Variants in COL18A1 observed in about 807,000 individuals in gnomAD.
The protein encoded by COL18A1 is collagen type XVIII alpha 1 chain, also known as collagen alpha-1(XVIII) chain.
COL18A1 carries 133 observed loss-of-function variants against 168.0 expected under a neutral mutation model. The ratio of observed to expected loss-of-function variants is 0.79; its 90% CI spans 0.69 to 0.91. The LOEUF (loss-of-function observed/expected upper bound fraction) is 0.91. Ranked by LOEUF, COL18A1 falls within the 40% of genes least tolerant of loss-of-function variation. The pLI, the probability that COL18A1 is intolerant of heterozygous loss-of-function variation, is 0.00. For synonymous variants in COL18A1, 949 were observed against 809.0 expected (o/e 1.17, Z -2.94); for missense variants, 2,126 against 1,925.4 (o/e 1.10, Z -1.95).
At chr21:45,509,282 AGAG>A (rs1428430744) in intron 38 of COL18A1, 71 bp from the exon 39 acceptor site, 11 of 1,528,262 alleles carry the variant, frequency 7.2e-6, no homozygotes, top group African/African-American at 4.1e-5. Context: ...CACCCAGCCC[AGAG>A]GAGGACACAG....
intron 2 of COL18A1, among the ~76,000 whole-genome samples, chr21:45,442,989 G>C (rs2034418601): frequency 2.8e-5 from 4 of 144,226 alleles, no homozygotes; most frequent in African/African-American, 5.4e-5. Context: ...GGGTGGCGGT[G>C]CTGGTGTGGG....
At chr21:45,495,297 C>A in intron 28 of COL18A1, 61 bp from the exon 29 acceptor site, 1 of 1,417,936 alleles carries the variant, frequency 7.1e-7, no homozygotes, top group Non-Finnish European at 9.8e-7. Context: ...AGGCACCCTG[C>A]GGGAAGGTGT....
rs748210520 is a variant in COL18A1, at chr21:45,505,382, GC to G, written c.3044del (p.Pro1015LeufsTer16). 3.8e-6 allele frequency: 6 copies of G among 1,591,504 alleles called. No homozygotes were observed. Among genetic ancestry groups the G allele is most frequent in the Non-Finnish European group, 5.2e-6 (6 of 1,163,594 alleles). ...GCTATCAGCGTTCCCGGCCCTCCGG[GC>G]CCCCCTGGGCCCCCTGGGCCCCCTG... is the stretch of plus-strand genomic sequence containing the variant. ...RQTISVPGPP[G>X]PPGPPGPPGT... On this transcript the variant is annotated frameshift_variant, in exon 36 of 42. Coordinates refer to ENST00000651438, the MANE Select transcript of COL18A1 (RefSeq NM_001379500.1). LOFTEE classifies it high-confidence loss of function.
chr21:45,462,963 T>C (rs2035092833), intron 2 of COL18A1, among the ~76,000 whole-genome samples: 1 of 152,222 alleles, frequency 6.6e-6, no homozygotes, highest in Non-Finnish European at 1.5e-5. Flanking sequence ...ACTTCAGGTC[T>C]TCTCAGGTCT....
chr21:45,505,594 A>G (rs1038619049), intron 36 of COL18A1, among the ~76,000 whole-genome samples, 163 bp downstream of exon 36: 31 of 152,094 alleles, frequency 2.0e-4, no homozygotes, highest in African/African-American at 7.5e-4. Flanking sequence ...TGGGGGAATC[A>G]GGTGGACCCA....
At chr21:45,481,186 G>T (rs547738139) in intron 13 of COL18A1, among the ~76,000 whole-genome samples, 15 of 152,328 alleles carry the variant, frequency 9.8e-5, no homozygotes, top group African/African-American at 2.6e-4. Context: ...TGGGAGGGCC[G>T]AGGTCAGCAT....
intron 2 of COL18A1, among the ~76,000 whole-genome samples, chr21:45,434,742 G>A (rs1310751997): frequency 6.6e-6 from 1 of 152,226 alleles, no homozygotes; most frequent in East Asian, 1.9e-4. Flanking sequence ...ACTGGCAGTG[G>A]GGAGATGGGG....
intron 2 of COL18A1, among the ~76,000 whole-genome samples, chr21:45,436,472 T>G (rs1198125667): frequency 6.6e-6 from 1 of 152,198 alleles, no homozygotes; most frequent in Non-Finnish European, 1.5e-5. Context: ...GAGTGGAGAT[T>G]CTACTTCCTG....
intron 2 of COL18A1, among the ~76,000 whole-genome samples, chr21:45,430,932 TAGTC>T (rs1489086663): frequency 6.6e-6 from 1 of 152,168 alleles, no homozygotes; most frequent in Non-Finnish European, 1.5e-5. Context: ...CGCCCGCCCT[TAGTC>T]AGCTGGGCCA....
intron 2 of COL18A1, chr21:45,455,944 C>T: frequency 1.2e-6 from 2 of 1,613,090 alleles, no homozygotes; most frequent in East Asian, 2.2e-5. Context: ...AGAGCTTGGC[C>T]AGGGCGGAAA....
At chr21:45,411,261 TC>T (rs1194829540) in intron 2 of COL18A1, among the ~76,000 whole-genome samples, 1 of 152,152 alleles carries the variant, frequency 6.6e-6, no homozygotes. Context: ...GGAGCCAGTG[TC>T]TGTGACCTCT....
intron 5 of COL18A1, among the ~76,000 whole-genome samples, 181 bp downstream of exon 5, chr21:45,475,716 G>A (rs1167567478): frequency 1.3e-5 from 2 of 152,004 alleles, no homozygotes; most frequent in African/African-American, 4.8e-5. Context: ...CCTGGGCACA[G>A]GCCCCGCTCC....
Position 45,443,704 on chromosome 21 carries a change from G to A in COL18A1, c.107-24538G>A, listed in dbSNP as rs919092802. Among the ~76,000 whole-genome samples, 5 of 152,194 alleles carry A rather than the reference G, an allele frequency of 3.3e-5. No individual in the cohort carries two copies. The highest frequency in any genetic ancestry group is 2.1e-4 in the South Asian group (1 of 4,828). On this transcript the variant is annotated intron_variant, in intron 2 of 41. Transcript: ENST00000651438. This position sits in a 1 kb window ranked among gnomAD's most constrained non-coding sequence, Gnocchi z 5.2. ...CAGCCGGGTCCCCAGGGAGGCCTCC[G>A]TGAAAACACAAATCAAGTGCCAATT...
chr21:45,497,720 G>T, intron 32 of COL18A1, 59 bp downstream of exon 32: 4 of 1,547,970 alleles, frequency 2.6e-6, no homozygotes, highest in Non-Finnish European at 3.5e-6. Context: ...ACTGAAGTGT[G>T]GTCACACCTA....
chr21:45,496,816 G>T (rs1204813809), intron 30 of COL18A1, among the ~76,000 whole-genome samples: 1 of 152,242 alleles, frequency 6.6e-6, no homozygotes, highest in African/African-American at 2.4e-5. Context: ...AGGGTTGCTA[G>T]GGGCACCCCC....
At chr21:45,499,574 C>G in intron 32 of COL18A1, among the ~76,000 whole-genome samples, 1 of 128,240 alleles carries the variant, frequency 7.8e-6, no homozygotes, top group Non-Finnish European at 1.7e-5. Context: ...CCCGCGTGGG[C>G]TGCCCCGCAT....
At chr21:45,494,521 C>G in intron 26 of COL18A1, 24 bp from the exon 27 acceptor site, 1 of 1,613,442 alleles carries the variant, frequency 6.2e-7, no homozygotes, top group Non-Finnish European at 8.5e-7. Flanking sequence ...CCACCTAACC[C>G]TGTCTTCTTG....
chr21:45,504,509 CCCGGCCCCCCA>C lies in COL18A1; in HGVS notation c.2822_2832del (p.Pro941ArgfsTer142), dbSNP rs1345160374. 7 of 1,410,592 alleles carry C rather than the reference CCCGGCCCCCCA, an allele frequency of 5.0e-6. No homozygotes were observed. The highest frequency in any genetic ancestry group is 4.8e-5 in the Admixed American group (2 of 41,470). The allele number at this position is 1,410,592 out of a possible 1,614,324, so 87.4% of individuals were successfully genotyped here. On this transcript the variant is annotated frameshift_variant, in exon 34 of 42. Coordinates refer to ENST00000651438, the MANE Select transcript of COL18A1 (RefSeq NM_001379500.1). LOFTEE classifies it high-confidence loss of function. ...CTTCGGCTCCAGCCTGCCCGGCCCC[CCCGGCCCCCCA>C]GGCCCCCCAGGCCCACGTGGCTACC...
At chr21:45,475,366 GA>G in intron 4 of COL18A1, 109 bp from the exon 5 acceptor site, 1 of 997,094 alleles carries the variant, frequency 1.0e-6, no homozygotes, top group Non-Finnish European at 1.6e-6. Flanking sequence ...GACGAGGCGA[GA>G]GGGGGCCTGG....
Sources: allele counts gnomAD v4.1 joint callset (sites outside exome capture counted in the v4.1 genomes callset), GRCh38; gene constraint gnomAD v4.1.1; non-coding constraint Gnocchi (gnomAD v3.1); transcripts MANE v1.5; gene names NCBI Gene and HGNC (gene_info 2026-07-23, HGNC 2026-07-21).